The following SH3BP4 variants were observed in gnomAD, a reference collection of about 807,000 sequenced individuals.
The protein encoded by SH3BP4 is SH3 domain-binding protein 4.
Under a neutral mutation model 65.5 loss-of-function variants are expected in SH3BP4, and 33 were observed. The ratio of observed to expected loss-of-function variants is 0.50; its 90% confidence interval spans 0.38 to 0.67. The LOEUF is 0.67. Ranked by LOEUF, SH3BP4 falls within the 30% of genes least tolerant of loss-of-function variation. The probability of loss-of-function intolerance (pLI) is 0.00; values close to 1 mark genes in which losing one functional copy is unlikely to be tolerated. For missense variants in SH3BP4, 1,134 were observed against 1,261.4 expected (o/e 0.90, Z 1.53); for synonymous variants, 552 against 545.5 (o/e 1.01, Z -0.17).
At position 235,042,002 on chromosome 2, in the gene SH3BP4, G is replaced by A; in HGVS notation, c.1233G>A (p.Val411=). 1 of 1,613,838 alleles carries A rather than the reference G, an allele frequency of 6.2e-7. No individual in the cohort carries two copies. The highest frequency in any genetic ancestry group is 8.5e-7 in the Non-Finnish European group (1 of 1,179,828). ...IKNDLFSKST[V]GLQCLRSDSK... is the part of the protein sequence containing the mutation. ...ATGACCTTTTTAGCAAAAGCACAGT[G>A]GGCCTCCAGTGCCTGAGGAGCGACT... Residue 411 remains valine, a synonymous_variant, in exon 4 of 6, where the codon GTG becomes GTA. Transcript: ENST00000392011. This position sits in a 1 kb window ranked among gnomAD's most constrained non-coding sequence, Gnocchi z 7.3.
rs993862752 is a variant in SH3BP4 at position 235,026,982 on chromosome 2, G to A, written c.-132-7889G>A. On this transcript the variant is annotated intron_variant, in intron 2 of 5. Coordinates refer to ENST00000392011, the MANE Select transcript of SH3BP4 (RefSeq NM_014521.3). The surrounding 1 kb of genome is among the most constrained non-coding windows in gnomAD (Gnocchi z 4.6). ...TTAGGCGAGATCAGGCACGTTCAGG[G>A]TGATATGACGATAGACAGTGCTCCA... is the stretch of plus-strand genomic sequence containing the variant. Among the ~76,000 whole-genome samples the A allele has an allele frequency of 9.2e-5, 14 of 152,226 alleles. No homozygotes were observed. The highest frequency in any genetic ancestry group is 1.5e-5 in the Non-Finnish European group (1 of 68,038).
chr2:235,048,148 G>T (rs1178579474), intron 4 of SH3BP4, among the ~76,000 whole-genome samples: 3 of 152,128 alleles, frequency 2.0e-5, no homozygotes, highest in Non-Finnish European at 1.5e-5. Flanking sequence ...CTCCCAGGCA[G>T]CCCCAAAGCC....
Position 234,977,395 on chromosome 2 carries a change from C to T in SH3BP4, c.-206-17908C>T, listed in dbSNP as rs1001127177. On this transcript the variant is annotated intron_variant, in intron 1 of 5. Transcript: ENST00000392011. The surrounding 1 kb of genome is among the most constrained non-coding windows in gnomAD (Gnocchi z 5.1). ...CATCCTTTGTTCTCTCCAGCCCAGA[C>T]GTGTAGAGGTGAGCCACCCTCCTGG... is the stretch of plus-strand genomic sequence containing the variant. Among the ~76,000 whole-genome samples the T allele has an allele frequency of 2.0e-5, 3 of 152,210 alleles. No homozygotes were observed. The highest frequency in any genetic ancestry group is 4.4e-5 in the Non-Finnish European group (3 of 68,046).
At chr2:235,007,282 C>A (rs1694325191) in intron 2 of SH3BP4, among the ~76,000 whole-genome samples, 7 of 152,104 alleles carry the variant, frequency 4.6e-5, no homozygotes, top group Admixed American at 4.6e-4. Flanking sequence ...AGCAGCTCCT[C>A]CCTGCTTCCT....
intron 1 of SH3BP4, among the ~76,000 whole-genome samples, chr2:234,964,269 TG>T (rs561418403): frequency 2.2e-4 from 33 of 150,940 alleles, no homozygotes; most frequent in Middle Eastern, 3.4e-3. Context: ...TTCAGGAGGC[TG>T]GGGAGGGGCC....
Position 235,052,852 on chromosome 2 carries a change from G to A in SH3BP4, c.2667+102G>A. On this transcript the variant is annotated intron_variant, in intron 5 of 5. Coordinates refer to ENST00000392011, the MANE Select transcript of SH3BP4 (RefSeq NM_014521.3). This position sits in a 1 kb window ranked among gnomAD's most constrained non-coding sequence, Gnocchi z 5.0. The stretch of plus-strand genomic sequence containing the variant: ...AAAAGTCTTGCCTCGCGGCATTTCT[G>A]TGAGGGTGCAACAGGTGGAAATGTG... The A allele has an allele frequency of 2.6e-6, 3 of 1,158,020 alleles. No homozygotes were observed. The highest frequency in any genetic ancestry group is 1.5e-5 in the African/African-American group (1 of 65,142). 71.7% of individuals were successfully genotyped at this position (1,158,020 alleles called of 1,614,324 possible).
intron 1 of SH3BP4, among the ~76,000 whole-genome samples, chr2:234,966,059 A>C (rs1559225337): frequency 6.6e-6 from 1 of 152,178 alleles, no homozygotes; most frequent in Non-Finnish European, 1.5e-5. Context: ...GTTGTCTTTA[A>C]GGAAACAAAG....
At chr2:234,995,100 T>C (rs1392731428) in intron 1 of SH3BP4, 1 of 152,218 alleles carries the variant, frequency 6.6e-6, no homozygotes, top group Non-Finnish European at 1.5e-5. Context: ...TGAAGGTCCT[T>C]CCGCTGGCCA....
At chr2:235,000,098 G>A (rs1168002039) in intron 2 of SH3BP4, among the ~76,000 whole-genome samples, 4 of 152,230 alleles carry the variant, frequency 2.6e-5, no homozygotes, top group Non-Finnish European at 5.9e-5. Context: ...TTCCAGGCTG[G>A]GGGTGTGCCT....
At chr2:235,017,742 A>G (rs949100506) in intron 2 of SH3BP4, among the ~76,000 whole-genome samples, 2 of 151,998 alleles carry the variant, frequency 1.3e-5, no homozygotes, top group Non-Finnish European at 2.9e-5. Context: ...GCTTTTTCAT[A>G]TGGGTGTAGT....
In SH3BP4 at chr2:235,046,819, G is replaced by C. The variant is rs867118386; in HGVS notation, c.2478+3572G>C. ...GAATCCAAGCGGGAGGCATTCTCAC[G>C]TGGCCATACCATGCTTCTGTTCTGT... is the stretch of plus-strand genomic sequence containing the variant. On this transcript the variant is annotated intron_variant, in intron 4 of 5. Coordinates refer to ENST00000392011, the MANE Select transcript of SH3BP4 (RefSeq NM_014521.3). This position sits in a 1 kb window ranked among gnomAD's most constrained non-coding sequence, Gnocchi z 4.2. Among the ~76,000 whole-genome samples, 1 of 152,132 alleles carries C rather than the reference G, an allele frequency of 6.6e-6. No homozygotes were observed. The highest frequency in any genetic ancestry group is 1.5e-5 in the Non-Finnish European group (1 of 68,014).
chr2:234,984,389 T>G (rs1483147764), intron 1 of SH3BP4, among the ~76,000 whole-genome samples: 1 of 151,738 alleles, frequency 6.6e-6, no homozygotes, highest in African/African-American at 2.4e-5. Flanking sequence ...TTTAACTTTT[T>G]GTAGAGACGA....
chr2:235,003,124 C>T (rs758742680), intron 2 of SH3BP4, among the ~76,000 whole-genome samples: 16 of 152,260 alleles, frequency 1.1e-4, no homozygotes, highest in African/African-American at 2.4e-4. Context: ...AGCTATCACA[C>T]GTGAATAGGC....
intron 5 of SH3BP4, 116 bp from the exon 6 acceptor site, chr2:235,053,476 A>G: frequency 4.1e-6 from 3 of 731,764 alleles, no homozygotes; most frequent in Non-Finnish European, 6.9e-6. Flanking sequence ...CTCGTGAAAG[A>G]GTGTCCCAAA....
intron 4 of SH3BP4, among the ~76,000 whole-genome samples, chr2:235,048,824 G>A (rs1046600706): frequency 2.0e-5 from 3 of 152,238 alleles, no homozygotes; most frequent in Non-Finnish European, 4.4e-5. Context: ...CACCCTGACT[G>A]AAATCATGGT....
Position 235,041,360 on chromosome 2 carries a change from AG to A in SH3BP4, c.593del (p.Gly198ValfsTer72). 1 of 1,614,178 alleles carries A rather than the reference AG, an allele frequency of 6.2e-7. No homozygotes were observed. Among genetic ancestry groups the A allele is most frequent in the East Asian group, 2.2e-5 (1 of 44,864 alleles). ...CTGTGGATTTGCTCCTTTTTGACGCAGGTACATCCTCCTTCACCGAATCCAG... is the reference window on the plus strand; with the variant it reads ...CTGTGGATTTGCTCCTTTTTGACGCAGTACATCCTCCTTCACCGAATCCAG... ...STVDLLLFDA[G>X]TSSFTESSSA... On this transcript the variant is annotated frameshift_variant, in exon 4 of 6. Transcript: ENST00000392011. LOFTEE classifies it high-confidence loss of function. The surrounding 1 kb of genome is among the most constrained non-coding windows in gnomAD (Gnocchi z 6.0).
rs377187707 is a variant in SH3BP4, at chr2:235,046,526, C to T, written c.2478+3279C>T. ...GGTCGAGGCTACACTGAGCTATGATCGCAGCACTGCACTCCAGCCTGGACA... is the reference window on the plus strand; with the variant it reads ...GGTCGAGGCTACACTGAGCTATGATTGCAGCACTGCACTCCAGCCTGGACA... On this transcript the variant is annotated intron_variant, in intron 4 of 5. Coordinates refer to ENST00000392011, the MANE Select transcript of SH3BP4 (RefSeq NM_014521.3). The surrounding 1 kb of genome is among the most constrained non-coding windows in gnomAD (Gnocchi z 4.2). Among the ~76,000 whole-genome samples the T allele has an allele frequency of 6.6e-6, 1 of 151,902 alleles. No individual in the cohort carries two copies. Among genetic ancestry groups the T allele is most frequent in the Admixed American group, 6.6e-5 (1 of 15,258 alleles).
chr2:234,973,577 C>G (rs922466795), intron 1 of SH3BP4, among the ~76,000 whole-genome samples: 12 of 152,172 alleles, frequency 7.9e-5, no homozygotes, highest in African/African-American at 2.4e-4. Flanking sequence ...TACGTACCCC[C>G]CTGAACAGAC....
chr2:234,995,898 T>C (rs1444581595), intron 2 of SH3BP4: 1 of 152,248 alleles, frequency 6.6e-6, no homozygotes, highest in African/African-American at 2.4e-5. Flanking sequence ...AGGGGAGCAT[T>C]TGTCCTTGAA....
Sources: allele counts gnomAD v4.1 joint callset (sites outside exome capture counted in the v4.1 genomes callset), GRCh38; gene constraint gnomAD v4.1.1; non-coding constraint Gnocchi (gnomAD v3.1); transcripts MANE v1.5; gene names NCBI Gene and HGNC (gene_info 2026-07-23, HGNC 2026-07-21).